IMPG1: variants seen among roughly 807,000 people sequenced by gnomAD.
The protein encoded by IMPG1 is interphotoreceptor matrix proteoglycan 1.
In IMPG1, 85 loss-of-function variants were observed where a neutral mutation model predicts 92.0. That is an observed-to-expected ratio of 0.92 (90% confidence interval 0.78 to 1.11). The LOEUF is 1.11. Among genes scored for constraint, IMPG1 ranks in the 50% least tolerant of loss-of-function variants. IMPG1 has a pLI of 0.00. For synonymous variants in IMPG1, 367 were observed against 334.1 expected, an observed-to-expected ratio of 1.10 and a Z score of -1.08; for missense variants, 1,022 against 956.0, an observed-to-expected ratio of 1.07 and a Z score of -0.91.
intron 12 of IMPG1, among the ~76,000 whole-genome samples, chr6:75,967,127 G>A (rs1382749404): frequency 5.3e-5 from 8 of 152,088 alleles, no homozygotes; most frequent in African/African-American, 1.4e-4. Context: ...GTAGTGAGCC[G>A]AGATTGTGCC....
intron 1 of IMPG1, among the ~76,000 whole-genome samples, chr6:76,053,056 C>T (rs1784068755): frequency 6.6e-6 from 1 of 152,182 alleles, no homozygotes; most frequent in Non-Finnish European, 1.5e-5. Context: ...TAAGCCACTC[C>T]TAATCATCTC....
chr6:75,984,953 G>T (rs922239172), intron 12 of IMPG1, among the ~76,000 whole-genome samples: 7 of 152,106 alleles, frequency 4.6e-5, no homozygotes, highest in Non-Finnish European at 8.8e-5. Context: ...GCCAATGTTG[G>T]TGCCATGTTT....
chr6:75,924,305 A>G (rs1393211819), intron 15 of IMPG1, among the ~76,000 whole-genome samples: 1 of 144,168 alleles, frequency 6.9e-6, no homozygotes, highest in Non-Finnish European at 1.5e-5. Context: ...TGTATATTGC[A>G]GCACTATTCA....
chr6:75,991,737 C>G (rs1222310303), intron 12 of IMPG1, among the ~76,000 whole-genome samples: 2 of 152,218 alleles, frequency 1.3e-5, no homozygotes, highest in African/African-American at 4.8e-5. Flanking sequence ...ATGACAAACA[C>G]ATTCTTTTAT....
chr6:75,926,183 G>A (rs1328071063), intron 15 of IMPG1, among the ~76,000 whole-genome samples: 4 of 152,190 alleles, frequency 2.6e-5, no homozygotes, highest in Non-Finnish European at 5.9e-5. Context: ...TCAAGACCAG[G>A]AGAGCCATAC....
intron 12 of IMPG1, among the ~76,000 whole-genome samples, chr6:75,990,982 A>G (rs1033475976): frequency 1.3e-5 from 2 of 152,210 alleles, no homozygotes; most frequent in African/African-American, 4.8e-5. Context: ...TACCTGTACT[A>G]ATGCAATTCC....
At chr6:76,067,505 A>G (rs1390057549) in intron 1 of IMPG1, among the ~76,000 whole-genome samples, 1 of 152,126 alleles carries the variant, frequency 6.6e-6, no homozygotes, top group African/African-American at 2.4e-5. Flanking sequence ...AGAAATCCTG[A>G]ATAGAACAAT....
chr6:76,039,293 T>C (rs527620426), intron 2 of IMPG1, among the ~76,000 whole-genome samples: 13 of 152,032 alleles, frequency 8.6e-5, no homozygotes, highest in African/African-American at 2.4e-4. Context: ...TAGAAAGAAC[T>C]AGGACCCTAT....
chr6:75,994,765 A>T (rs1184771879), intron 12 of IMPG1, among the ~76,000 whole-genome samples: 1 of 152,186 alleles, frequency 6.6e-6, no homozygotes, highest in Non-Finnish European at 1.5e-5. Flanking sequence ...ATTCAATATG[A>T]GATTTGGGTG....
intron 1 of IMPG1, among the ~76,000 whole-genome samples, chr6:76,053,055 C>T (rs980210762): frequency 2.0e-5 from 3 of 152,170 alleles, no homozygotes; most frequent in Non-Finnish European, 2.9e-5. Context: ...TTAAGCCACT[C>T]CTAATCATCT....
intron 7 of IMPG1, among the ~76,000 whole-genome samples, chr6:76,014,515 C>T (rs938867539): frequency 3.3e-5 from 5 of 152,172 alleles, no homozygotes; most frequent in Admixed American, 6.5e-5. Context: ...TGTGTACATG[C>T]TTCACATCTG....
chr6:76,018,951 G>T, intron 6 of IMPG1, 93 bp from the exon 7 acceptor site: 1 of 1,199,614 alleles, frequency 8.3e-7, no homozygotes, highest in Non-Finnish European at 1.1e-6. Context: ...GTCTCAAGAA[G>T]TGGATTATGA....
intron 6 of IMPG1, among the ~76,000 whole-genome samples, chr6:76,019,896 G>T (rs1582108873): frequency 6.6e-6 from 1 of 152,134 alleles, no homozygotes; most frequent in South Asian, 2.1e-4. Flanking sequence ...GAAGAAGATG[G>T]GACAGAGGGG....
chr6:76,059,266 A>T (rs943366899), intron 1 of IMPG1, among the ~76,000 whole-genome samples: 2 of 152,118 alleles, frequency 1.3e-5, no homozygotes, highest in Non-Finnish European at 2.9e-5. Flanking sequence ...TACACCCATT[A>T]AGCAATGTCC....
intron 12 of IMPG1, among the ~76,000 whole-genome samples, chr6:75,967,037 G>T (rs537677251): frequency 6.6e-6 from 1 of 152,138 alleles, no homozygotes; most frequent in Non-Finnish European, 1.5e-5. Flanking sequence ...AAATTAGCGG[G>T]GTGTGGTGGT....
intron 1 of IMPG1, among the ~76,000 whole-genome samples, chr6:76,048,096 G>C (rs1233539672): frequency 6.6e-6 from 1 of 152,144 alleles, no homozygotes; most frequent in Non-Finnish European, 1.5e-5. Flanking sequence ...GGCTCTTGAG[G>C]ATGGCAACTC....
At chr6:76,027,850 A>G (rs957083396) in intron 4 of IMPG1, among the ~76,000 whole-genome samples, 4 of 152,202 alleles carry the variant, frequency 2.6e-5, no homozygotes, top group African/African-American at 9.7e-5. Context: ...GCTATCTGGA[A>G]TTATGTTTCA....
At chr6:75,981,321 T>C (rs576429377) in intron 12 of IMPG1, among the ~76,000 whole-genome samples, 10 of 152,200 alleles carry the variant, frequency 6.6e-5, no homozygotes, top group African/African-American at 9.6e-5. Context: ...CTTTAGTCAG[T>C]AGCTTTGAAC....
chr6:75,991,412 C>T (rs978493823), intron 12 of IMPG1, among the ~76,000 whole-genome samples: 4 of 149,864 alleles, frequency 2.7e-5, no homozygotes, highest in African/African-American at 9.8e-5. Context: ...AAAAAAAAGG[C>T]AAAAGAGGCA....
Sources: gnomAD v4.1 joint callset for allele counts (sites outside exome capture counted in the v4.1 genomes callset) on GRCh38, gnomAD v4.1.1 for gene constraint, MANE v1.5 for transcripts, NCBI Gene and HGNC (gene_info 2026-07-23, HGNC 2026-07-21) for gene names.